The following STX18 variants were observed in gnomAD, a reference collection of about 807,000 sequenced individuals.
The protein encoded by STX18 is syntaxin 18, also known as syntaxin-18.
STX18 carries 40 observed loss-of-function variants against 50.1 expected under a neutral mutation model. The observed-to-expected ratio is 0.80, with a 90% CI of 0.62 to 1.04. STX18 has a LOEUF of 1.04. Among genes scored for constraint, STX18 ranks in the 50% least tolerant of loss-of-function variants. The probability of loss-of-function intolerance (pLI) is 0.00; values close to 1 mark genes in which losing one functional copy is unlikely to be tolerated. For synonymous variants in STX18, 158 were observed against 151.8 expected (o/e 1.04, Z -0.30); for missense variants, 410 against 415.8 (o/e 0.99, Z 0.12).
chr4:4,518,988 A>G (rs1033615899), intron 1 of STX18, among the ~76,000 whole-genome samples: 2 of 152,180 alleles, frequency 1.3e-5, no homozygotes, highest in African/African-American at 4.8e-5. Flanking sequence ...TTAGAAGAGA[A>G]TTGTAGTAAA....
intron 5 of STX18, among the ~76,000 whole-genome samples, chr4:4,440,954 C>G (rs1056179105): frequency 6.6e-5 from 10 of 152,254 alleles, no homozygotes; most frequent in African/African-American, 2.4e-4. Flanking sequence ...GCAACTAGGG[C>G]TGCAGTCATC....
At chr4:4,433,520 TA>T (rs1460791691) in intron 7 of STX18, among the ~76,000 whole-genome samples, 1 of 51,256 alleles carries the variant, frequency 2.0e-5, no homozygotes. Flanking sequence ...GAATGATCAA[TA>T]AAAAAAATAA....
chr4:4,487,883 C>T (rs1183171790), intron 1 of STX18, among the ~76,000 whole-genome samples: 2 of 152,182 alleles, frequency 1.3e-5, no homozygotes, highest in Non-Finnish European at 2.9e-5. Flanking sequence ...TTCCCAAAGC[C>T]TGGCATAGTT....
At chr4:4,501,563 C>G (rs1466559750) in intron 1 of STX18, among the ~76,000 whole-genome samples, 1 of 152,196 alleles carries the variant, frequency 6.6e-6, no homozygotes. Context: ...TACATGACCT[C>G]TCAGACTGTT....
At chr4:4,463,693 A>G (rs1006229533) in intron 2 of STX18, among the ~76,000 whole-genome samples, 2 of 152,244 alleles carry the variant, frequency 1.3e-5, no homozygotes, top group Non-Finnish European at 2.9e-5. Context: ...TTACAAAATC[A>G]CTGTAGCTTC....
chr4:4,492,227 CTCTT>C lies in STX18; in HGVS notation c.169-20525_169-20522del, dbSNP rs555329221. 1.2e-3 allele frequency among the ~76,000 whole-genome samples: 175 copies of C among 152,112 alleles called. 1 individual carries two copies. Among genetic ancestry groups the C allele is most frequent in the African/African-American group, 3.9e-3 (163 of 41,530 alleles). On this transcript the variant is annotated intron_variant, in intron 1 of 10. Transcript: ENST00000306200. ...CTTTAGAAAAAAATTGCATAAAATG[CTCTT>C]TATTTAATTAAAATCAGAGCTCATT...
chr4:4,442,803 T>TAAAAAAA (rs71169645), intron 5 of STX18, among the ~76,000 whole-genome samples: 1 of 100,640 alleles, frequency 9.9e-6, no homozygotes, highest in Admixed American at 1.1e-4. Context: ...ACAAGTTTAT[T>TAAAAAAA]AAAAAAAAAA....
At position 4,457,004 on chromosome 4, in the gene STX18, T is replaced by C. The variant is rs76285600; in HGVS notation, c.497+187A>G. 1.5e-3 allele frequency among the ~76,000 whole-genome samples: 235 copies of C among 152,278 alleles called. 2 individuals are homozygous for C. Among genetic ancestry groups the C allele is most frequent in the African/African-American group, 5.6e-3 (232 of 41,550 alleles). ...ACAGTACCTGCCTCATGGGGGTTTG[T>C]TGTGGGCCAATAAAGTGGCTGGCAT... On this transcript the variant is annotated intron_variant, in intron 5 of 10. Coordinates refer to ENST00000306200, the MANE Select transcript of STX18 (RefSeq NM_016930.4).
At chr4:4,489,753 G>C (rs1288773061) in intron 1 of STX18, among the ~76,000 whole-genome samples, 1 of 152,012 alleles carries the variant, frequency 6.6e-6, no homozygotes, top group Non-Finnish European at 1.5e-5. Context: ...TAATCACTCC[G>C]TAACATAACA....
intron 1 of STX18, among the ~76,000 whole-genome samples, chr4:4,522,730 A>G (rs1431434666): frequency 1.3e-5 from 2 of 152,232 alleles, no homozygotes; most frequent in African/African-American, 2.4e-5. Context: ...AAAGAAAAGT[A>G]TAACAAAGTC....
At chr4:4,517,166 C>T (rs1033977462) in intron 1 of STX18, among the ~76,000 whole-genome samples, 11 of 152,174 alleles carry the variant, frequency 7.2e-5, no homozygotes, top group African/African-American at 2.4e-4. Context: ...TCTGAACCAG[C>T]GGTATTGGGG....
At chr4:4,541,031 A>G (rs937353374) in intron 1 of STX18, among the ~76,000 whole-genome samples, 109 of 152,222 alleles carry the variant, frequency 7.2e-4, no homozygotes, top group African/African-American at 2.6e-3. Context: ...CACGAACACA[A>G]AAGGGAACAA....
chr4:4,507,541 C>G (rs1729772992), intron 1 of STX18: 2 of 770,312 alleles, frequency 2.6e-6, no homozygotes, highest in South Asian at 2.7e-5. Flanking sequence ...AAAAAATAAG[C>G]AAAAGCGTCC....
intron 1 of STX18, among the ~76,000 whole-genome samples, chr4:4,535,599 C>T (rs773697538): frequency 6.6e-6 from 1 of 152,164 alleles, no homozygotes; most frequent in Non-Finnish European, 1.5e-5. Context: ...ATGAACCTCT[C>T]TCCCCAAACC....
chr4:4,453,784 CAGG>C (rs1445261211), intron 5 of STX18: 3 of 471,348 alleles, frequency 6.4e-6, no homozygotes, highest in African/African-American at 2.1e-5. Flanking sequence ...ACCCCCAAAG[CAGG>C]AGATGCTTCA....
At chr4:4,506,078 C>CA (rs1429607840) in intron 1 of STX18, among the ~76,000 whole-genome samples, 6 of 152,148 alleles carry the variant, frequency 3.9e-5, no homozygotes, top group African/African-American at 1.4e-4. Context: ...GATGAATACT[C>CA]AGATTGTTTT....
intron 7 of STX18, among the ~76,000 whole-genome samples, chr4:4,432,932 C>A (rs1230232778): frequency 6.6e-6 from 1 of 152,234 alleles, no homozygotes; most frequent in Non-Finnish European, 1.5e-5. Context: ...ACTATGCTTA[C>A]AATGACACTT....
In STX18 at chr4:4,420,226, T is replaced by C. The variant is rs941807409; in HGVS notation, c.913-97A>G. ...CTCTTCCCACGTGCTCTCCTGATCCTGGCTGTAACTATGGGTGTCGTTCCA... is the reference window on the plus strand; with the variant it reads ...CTCTTCCCACGTGCTCTCCTGATCCCGGCTGTAACTATGGGTGTCGTTCCA... On this transcript the variant is annotated intron_variant, in intron 10 of 10. Coordinates refer to ENST00000306200, the MANE Select transcript of STX18 (RefSeq NM_016930.4). The surrounding 1 kb of genome is among the most constrained non-coding windows in gnomAD (Gnocchi z 4.3). 1 of 913,998 alleles carries C rather than the reference T, an allele frequency of 1.1e-6. No individual in the cohort carries two copies. The highest frequency in any genetic ancestry group is 2.1e-5 in the Admixed American group (1 of 48,492). 56.6% of individuals were successfully genotyped at this position (913,998 alleles called of 1,614,324 possible).
intron 1 of STX18, among the ~76,000 whole-genome samples, chr4:4,524,204 T>C (rs1730645768): frequency 6.6e-6 from 1 of 152,204 alleles, no homozygotes; most frequent in Non-Finnish European, 1.5e-5. Flanking sequence ...TACCTTCAGT[T>C]CAAAGTGGTA....
Sources: allele counts gnomAD v4.1 joint callset (sites outside exome capture counted in the v4.1 genomes callset), GRCh38; gene constraint gnomAD v4.1.1; non-coding constraint Gnocchi (gnomAD v3.1); transcripts MANE v1.5; gene names NCBI Gene and HGNC (gene_info 2026-07-23, HGNC 2026-07-21).